The following MRTFB variants were observed in gnomAD, a reference collection of about 807,000 sequenced individuals.
The protein encoded by MRTFB is myocardin related transcription factor B.
Under a neutral mutation model 104.2 loss-of-function variants are expected in MRTFB, and 29 were observed. That is an observed-to-expected ratio of 0.28 (90% CI 0.21 to 0.38). The LOEUF (loss-of-function observed/expected upper bound fraction) is 0.38, where lower values mean the gene tolerates loss of function less well. Among genes scored for constraint, MRTFB ranks in the 10% least tolerant of loss-of-function variants. The pLI is 1.00. For synonymous variants in MRTFB, 535 were observed against 519.5 expected (o/e 1.03, Z -0.41); for missense variants, 1,270 against 1,341.6 (o/e 0.95, Z 0.83).
chr16:14,261,494 T>C lies in MRTFB; in HGVS notation c.*50T>C, dbSNP rs1434529967. The C allele has an allele frequency of 1.3e-5, 20 of 1,504,188 alleles. No individual in the cohort carries two copies. Among genetic ancestry groups the C allele is most frequent in the Non-Finnish European group, 1.8e-5 (20 of 1,118,798 alleles). The allele number at this position is 1,504,188 out of a possible 1,614,324, so 93.2% of individuals were successfully genotyped here. ...TTGATGAGGTTTAAGAACATGAAGA[T>C]TCTAAAAGGTCAGTTTTTAGAGATA... is the stretch of plus-strand genomic sequence containing the variant. On this transcript the variant is annotated 3_prime_UTR_variant, in exon 17 of 17. Coordinates refer to ENST00000571589, the MANE Select transcript of MRTFB (RefSeq NM_001308142.2).
At chr16:14,144,996 G>GTATATATA (rs550789001) in intron 3 of MRTFB, among the ~76,000 whole-genome samples, 1 of 103,440 alleles carries the variant, frequency 9.7e-6, no homozygotes, top group African/African-American at 6.7e-5. Context: ...ATATATATAT[G>GTATATATA]TATATATATA....
the MRTFB span, among the ~76,000 whole-genome samples, chr16:14,043,038 G>A: frequency 3.9e-5 from 6 of 152,202 alleles, no homozygotes; most frequent in East Asian, 3.9e-4. Flanking sequence ...GGAAAGGCCC[G>A]CAAAGGAACG....
chr16:14,196,875 T>C (rs2040454390), intron 3 of MRTFB, among the ~76,000 whole-genome samples: 1 of 152,154 alleles, frequency 6.6e-6, no homozygotes, highest in African/African-American at 2.4e-5. Context: ...ATTGGCAAAT[T>C]AGCACCCTTG....
chr16:14,207,459 A>T (rs2041000326), intron 3 of MRTFB, among the ~76,000 whole-genome samples: 1 of 152,186 alleles, frequency 6.6e-6, no homozygotes, highest in Non-Finnish European at 1.5e-5. Context: ...AAATGTCCTG[A>T]GTAATAGGAG....
intron 1 of MRTFB, among the ~76,000 whole-genome samples, chr16:14,077,771 G>A (rs1450278229): frequency 6.6e-6 from 1 of 151,946 alleles, no homozygotes; most frequent in Non-Finnish European, 1.5e-5. Flanking sequence ...TCCCACCTTT[G>A]TTGCCAACAT....
chr16:14,212,826 C>T (rs1197331963), intron 5 of MRTFB, among the ~76,000 whole-genome samples: 4 of 152,118 alleles, frequency 2.6e-5, no homozygotes, highest in Non-Finnish European at 4.4e-5. Context: ...ATTTGACCAA[C>T]GGTAGGGGAA....
At chr16:14,206,308 GCTGT>G (rs1328519623) in intron 3 of MRTFB, among the ~76,000 whole-genome samples, 8 of 152,176 alleles carry the variant, frequency 5.3e-5, no homozygotes, top group African/African-American at 1.9e-4. Context: ...TGACAATTAA[GCTGT>G]CTATCATTCA....
intron 3 of MRTFB, chr16:14,195,567 GC>G: frequency 1.0e-6 from 1 of 985,368 alleles, no homozygotes. Flanking sequence ...CAACAGAGTA[GC>G]ATGTGCTTAC....
At chr16:14,137,356 G>C (rs947468782) in intron 2 of MRTFB, among the ~76,000 whole-genome samples, 3 of 152,030 alleles carry the variant, frequency 2.0e-5, no homozygotes, top group African/African-American at 7.2e-5. Flanking sequence ...GGGAGTTTAA[G>C]GTGAGCATAA....
intron 3 of MRTFB, among the ~76,000 whole-genome samples, chr16:14,190,297 A>G (rs540277053): frequency 2.6e-5 from 4 of 152,356 alleles, no homozygotes; most frequent in East Asian, 1.9e-4. Context: ...TAACTTGTCT[A>G]CAAACGGCTT....
intron 1 of MRTFB, among the ~76,000 whole-genome samples, chr16:14,074,395 AG>A (rs1202617948): frequency 6.6e-6 from 1 of 152,184 alleles, no homozygotes; most frequent in Non-Finnish European, 1.5e-5. Context: ...CCATTTTTCT[AG>A]GCATAGGGGA....
the MRTFB span, among the ~76,000 whole-genome samples, chr16:13,996,393 G>C: frequency 2.0e-5 from 3 of 152,186 alleles, 1 homozygote; most frequent in Non-Finnish European, 1.5e-5. Context: ...CTCTATGCCA[G>C]ATACTACTGT....
chr16:14,004,521 C>G, the MRTFB span, among the ~76,000 whole-genome samples: 1 of 152,176 alleles, frequency 6.6e-6, no homozygotes, highest in Non-Finnish European at 1.5e-5. Context: ...GCACCATGAT[C>G]AGGCTCTCCC....
chr16:14,231,273 TAAAGTA>T (rs1159432386), intron 8 of MRTFB, among the ~76,000 whole-genome samples: 1 of 150,256 alleles, frequency 6.7e-6, no homozygotes, highest in East Asian at 1.9e-4. Flanking sequence ...CCCTAAAACT[TAAAGTA>T]TAATAATAAT....
At chr16:14,170,799 C>T (rs958388233) in intron 3 of MRTFB, among the ~76,000 whole-genome samples, 8 of 152,122 alleles carry the variant, frequency 5.3e-5, no homozygotes, top group South Asian at 2.1e-4. Flanking sequence ...ACTTTATTGA[C>T]GGTGTTTGAA....
At chr16:14,205,750 T>C (rs2040912915) in intron 3 of MRTFB, among the ~76,000 whole-genome samples, 1 of 152,234 alleles carries the variant, frequency 6.6e-6, no homozygotes, top group African/African-American at 2.4e-5. Context: ...GATTCTATAG[T>C]TTGTACGTGT....
intron 16 of MRTFB, 61 bp downstream of exon 16, chr16:14,258,222 A>G: frequency 2.1e-6 from 3 of 1,396,266 alleles, no homozygotes; most frequent in South Asian, 1.2e-5. Context: ...AGTTCATGAA[A>G]GTTTTTCTTA....
At chr16:14,076,171 A>G (rs1230091796) in intron 1 of MRTFB, among the ~76,000 whole-genome samples, 1 of 151,850 alleles carries the variant, frequency 6.6e-6, no homozygotes, top group Non-Finnish European at 1.5e-5. Context: ...TCATATTAGT[A>G]TATAGGAAAC....
At chr16:14,174,840 T>A (rs1186939266) in intron 3 of MRTFB, among the ~76,000 whole-genome samples, 1 of 152,220 alleles carries the variant, frequency 6.6e-6, no homozygotes, top group Non-Finnish European at 1.5e-5. Flanking sequence ...CACAGCTCAT[T>A]GCGTTACACC....
Sources: allele counts gnomAD v4.1 joint callset (sites outside exome capture counted in the v4.1 genomes callset), GRCh38; gene constraint gnomAD v4.1.1; transcripts MANE v1.5; gene names NCBI Gene and HGNC (gene_info 2026-07-23, HGNC 2026-07-21).